The following ABCD2 variants were observed in gnomAD, a reference collection of about 807,000 sequenced individuals.
The protein encoded by ABCD2 is ATP binding cassette subfamily D member 2, also known as ATP-binding cassette sub-family D member 2.
A neutral mutation model predicts 70.9 loss-of-function variants in ABCD2; 36 were observed. The observed-to-expected ratio is 0.51, with a 90% CI of 0.39 to 0.67. The LOEUF (loss-of-function observed/expected upper bound fraction) is 0.67. Among genes scored for constraint, ABCD2 ranks in the 30% least tolerant of loss-of-function variants. ABCD2 has a pLI of 0.00. For synonymous variants in ABCD2, 304 were observed against 306.9 expected (o/e 0.99, Z 0.10); for missense variants, 729 against 890.2 (o/e 0.82, Z 2.30).
the ABCD2 span, among the ~76,000 whole-genome samples, chr12:39,531,295 G>A: frequency 2.2e-4 from 33 of 152,130 alleles, no homozygotes; most frequent in Non-Finnish European, 3.8e-4. Context: ...AAATTGCTGC[G>A]TTAAAACCTA....
intron 9 of ABCD2, among the ~76,000 whole-genome samples, chr12:39,569,518 G>A (rs551383050): frequency 2.2e-4 from 33 of 152,284 alleles, no homozygotes; most frequent in Admixed American, 7.2e-4. Context: ...TCCAGGTGCC[G>A]TCTGTCAACC....
intron 4 of ABCD2, among the ~76,000 whole-genome samples, chr12:39,604,500 G>A (rs1353475051): frequency 2.0e-5 from 3 of 151,972 alleles, no homozygotes; most frequent in South Asian, 2.1e-4. Flanking sequence ...AAAAGCAAAC[G>A]ATTCATTATG....
At chr12:39,583,020 C>G (rs555646352) in intron 7 of ABCD2, among the ~76,000 whole-genome samples, 84 of 152,074 alleles carry the variant, frequency 5.5e-4, no homozygotes, top group African/African-American at 1.9e-3. Context: ...CCACCATTCC[C>G]GGATAATTTT....
the ABCD2 span, among the ~76,000 whole-genome samples, chr12:39,533,151 G>A: frequency 2.0e-5 from 3 of 151,806 alleles, no homozygotes; most frequent in Admixed American, 2.0e-4. Context: ...GGTGACAAGA[G>A]CACGACTCTG....
chr12:39,619,309 C>T lies in ABCD2; in HGVS notation c.307G>A (p.Glu103Lys), dbSNP rs746919265. 2.5e-6 allele frequency: 4 copies of T among 1,614,104 alleles called. No homozygotes were observed. The highest frequency in any genetic ancestry group is 3.4e-6 in the Non-Finnish European group (4 of 1,180,024). The change falls in exon 1 of 10, where the codon GAA becomes AAA. Residue 103 changes from glutamate to lysine, a missense_variant. Glu to Lys is a moderately conservative substitution (Grantham distance 56). This residue lies in a region of ABCD2 where 245 missense variants were observed against 261.2 expected (regional missense o/e 0.94). Transcript: ENST00000308666. ...KILFPKLVTTETGWLCLHSVA... is the reference protein window; with the variant it reads ...KILFPKLVTTKTGWLCLHSVA... ...GAGTGCAGGCAGAGCCACCCTGTTT[C>T]AGTGGTCACAAGTTTTGGAAACAAA...
At chr12:39,567,218 G>A (rs779897437) in intron 9 of ABCD2, among the ~76,000 whole-genome samples, 8 of 152,148 alleles carry the variant, frequency 5.3e-5, no homozygotes, top group Non-Finnish European at 8.8e-5. Flanking sequence ...TCTGTCTAAT[G>A]TCGACAGTGG....
chr12:39,575,359 CTGTGTGTGTT>C (rs1941502149), intron 8 of ABCD2, among the ~76,000 whole-genome samples: 1 of 151,880 alleles, frequency 6.6e-6, no homozygotes, highest in African/African-American at 2.4e-5. Flanking sequence ...TGGTGTGTGT[CTGTGTGTGTT>C]TGTGTGTGTA....
At chr12:39,537,977 T>C in the ABCD2 span, among the ~76,000 whole-genome samples, 2 of 152,034 alleles carry the variant, frequency 1.3e-5, no homozygotes, top group South Asian at 2.1e-4. Context: ...CCTAAGGACT[T>C]CCTATAACTA....
intron 9 of ABCD2, among the ~76,000 whole-genome samples, chr12:39,556,325 T>C (rs1295115197): frequency 6.6e-6 from 1 of 152,180 alleles, no homozygotes; most frequent in African/African-American, 2.4e-5. Flanking sequence ...TCATTTTGAA[T>C]TGTAATCCCC....
Position 39,604,845 on chromosome 12 carries a change from G to T in ABCD2, c.1322C>A (p.Thr441Asn). The stretch of plus-strand genomic sequence containing the variant: ...GCTTTCAGATTCTTGAATGACAGCA[G>T]TTCTCTTATAAATGCCTCTTTTTAC... The part of the protein sequence containing the change: ...DEVKRGIYKR[T>N]AVIQESESHS... Residue 441 changes from threonine (T) to asparagine (N), a missense_variant, in exon 4 of 10, where the codon ACT becomes AAT. By Grantham distance (65) the Thr-to-Asn change is moderately conservative. This residue lies in a region of ABCD2 where 195 missense variants were observed against 300.2 expected (regional missense o/e 0.65). Transcript: ENST00000308666. 6.2e-7 allele frequency: 1 copy of T among 1,612,396 alleles called. No individual in the cohort carries two copies. Among genetic ancestry groups the T allele is most frequent in the Non-Finnish European group, 8.5e-7 (1 of 1,179,068 alleles).
the ABCD2 span, among the ~76,000 whole-genome samples, chr12:39,544,961 A>G: frequency 6.6e-6 from 1 of 152,230 alleles, no homozygotes; most frequent in Non-Finnish European, 1.5e-5. Flanking sequence ...AAAAGCAAAG[A>G]TTTGAAAGCA....
At position 39,617,178 on chromosome 12, in the gene ABCD2, G is replaced by A. The variant is rs368007219; in HGVS notation, c.940-10C>T. 17 of 1,532,738 alleles carry A rather than the reference G, an allele frequency of 1.1e-5. No homozygotes were observed. The highest frequency in any genetic ancestry group is 1.3e-5 in the Non-Finnish European group (15 of 1,145,174). The allele number at this position is 1,532,738 out of a possible 1,614,324, so 94.9% of individuals were successfully genotyped here. ...GTTGTTTCATTTCTACCTATAGAGA[G>A]GAAAAAGAGTTGAGGACTTTTTTTA... is the stretch of plus-strand genomic sequence containing the variant. On this transcript the variant is annotated splice_polypyrimidine_tract_variant and intron_variant, in intron 1 of 9. Coordinates refer to ENST00000308666, the MANE Select transcript of ABCD2 (RefSeq NM_005164.4).
chr12:39,563,790 C>A (rs556502753), intron 9 of ABCD2, among the ~76,000 whole-genome samples: 1 of 152,272 alleles, frequency 6.6e-6, no homozygotes, highest in East Asian at 1.9e-4. Context: ...CCTCACCTCA[C>A]AACAGGCCCC....
intron 9 of ABCD2, among the ~76,000 whole-genome samples, chr12:39,561,568 G>C (rs1214410774): frequency 6.6e-6 from 1 of 151,982 alleles, no homozygotes. Context: ...CTAATGTCAG[G>C]TAAAATAGAC....
At chr12:39,559,825 G>T (rs1057472744) in intron 9 of ABCD2, among the ~76,000 whole-genome samples, 2 of 152,104 alleles carry the variant, frequency 1.3e-5, no homozygotes, top group African/African-American at 4.8e-5. Flanking sequence ...CACAAACTAA[G>T]CTGAGGGGCT....
downstream of ABCD2, among the ~76,000 whole-genome samples, chr12:39,546,343 C>T (rs1354288894): frequency 6.6e-6 from 1 of 151,928 alleles, no homozygotes; most frequent in African/African-American, 2.4e-5. Flanking sequence ...CATTTAGGCA[C>T]CTATTGAATA....
chr12:39,607,851 A>G (rs1941991855), intron 2 of ABCD2, 137 bp from the exon 3 acceptor site: 2 of 657,576 alleles, frequency 3.0e-6, no homozygotes, highest in Admixed American at 3.0e-5. Flanking sequence ...GCAATTTTCT[A>G]GAAATATAAT....
At chr12:39,569,083 C>T (rs1941405882) in intron 9 of ABCD2, among the ~76,000 whole-genome samples, 1 of 152,338 alleles carries the variant, frequency 6.6e-6, no homozygotes, top group African/African-American at 2.4e-5. Context: ...CAGGGACCCA[C>T]TTGAGGAGGC....
Position 39,586,253 on chromosome 12 carries a change from G to C in ABCD2, c.1691C>G (p.Pro564Arg), listed in dbSNP as rs1164819164. The change falls in exon 7 of 10, where the codon CCT (proline) becomes CGT (arginine). Residue 564 changes from proline (P) to arginine (R), a missense_variant. Transcript: ENST00000308666. The stretch of plus-strand genomic sequence containing the variant: ...ATCATGCATATCATCCACTGAATCA[G>C]GGTAAATGACTTGATCCCGAAGACT... ...LGSLRDQVIY[P>R]DSVDDMHDKG... 2 of 1,613,452 alleles carry C rather than the reference G, an allele frequency of 1.2e-6. No individual in the cohort carries two copies.
Sources: gnomAD v4.1 joint callset for allele counts (sites outside exome capture counted in the v4.1 genomes callset) on GRCh38, gnomAD v4.1.1 for gene constraint, gnomAD v4.1.1 regional missense constraint, MANE v1.5 for transcripts, NCBI Gene and HGNC (gene_info 2026-07-23, HGNC 2026-07-21) for gene names.